Variants in PCDHA2 observed in about 807,000 individuals in gnomAD.
PCDHA2 encodes the protein protocadherin alpha 2.
In PCDHA2, 58 loss-of-function variants were observed where a neutral mutation model predicts 66.0. The ratio of observed to expected loss-of-function variants is 0.88; its 90% CI spans 0.71 to 1.09. PCDHA2 has a LOEUF of 1.09. Among genes scored for constraint, PCDHA2 ranks in the 50% least tolerant of loss-of-function variants. PCDHA2 has a pLI of 0.00. For synonymous variants in PCDHA2, 634 were observed against 554.0 expected (o/e 1.14, Z -2.03); for missense variants, 1,267 against 1,242.3 (o/e 1.02, Z -0.30).
chr5:140,975,016 G>T (rs782435284), intron 1 of PCDHA2, among the ~76,000 whole-genome samples: 6 of 152,128 alleles, frequency 3.9e-5, no homozygotes, highest in Non-Finnish European at 8.8e-5. Context: ...AACACAGCTG[G>T]GCTGTGTTGT....
At chr5:140,902,917 T>G (rs1235478755) in intron 1 of PCDHA2, among the ~76,000 whole-genome samples, 1 of 152,230 alleles carries the variant, frequency 6.6e-6, no homozygotes, top group Non-Finnish European at 1.5e-5. Context: ...CTGAGTAGTA[T>G]TGCATGGTGT....
At chr5:140,813,701 T>C (rs1357326463) in intron 1 of PCDHA2, 1 of 152,174 alleles carries the variant, frequency 6.6e-6, no homozygotes, top group Non-Finnish European at 1.5e-5. Flanking sequence ...TATCAAAAAA[T>C]TTTCTTTTTA....
intron 3 of PCDHA2, among the ~76,000 whole-genome samples, chr5:141,009,288 C>G (rs373954362): frequency 6.6e-6 from 1 of 152,068 alleles, no homozygotes; most frequent in African/African-American, 2.4e-5. Flanking sequence ...GATCCCATTT[C>G]TATAAAATTT....
chr5:140,807,052 C>G, intron 1 of PCDHA2: 1 of 1,051,964 alleles, frequency 9.5e-7, no homozygotes, highest in African/African-American at 1.6e-5. Context: ...TCCTTCTATT[C>G]TTACTGGAAG....
chr5:140,993,526 A>G (rs1554253825), intron 3 of PCDHA2, among the ~76,000 whole-genome samples: 1 of 147,824 alleles, frequency 6.8e-6, no homozygotes, highest in Admixed American at 6.7e-5. Flanking sequence ...AGAGAGACAG[A>G]GAGAGAGAGA....
chr5:140,830,281 C>T, intron 1 of PCDHA2: 2 of 1,613,822 alleles, frequency 1.2e-6, no homozygotes, highest in Non-Finnish European at 1.7e-6. Flanking sequence ...CCACCGAGGG[C>T]GCGTGCACGG....
chr5:140,965,299 C>A (rs1295211520), intron 1 of PCDHA2, among the ~76,000 whole-genome samples: 4 of 152,134 alleles, frequency 2.6e-5, no homozygotes, highest in African/African-American at 7.2e-5. Context: ...TTCCTCTGAT[C>A]CTTCTACCTT....
chr5:140,999,332 T>TTATAA (rs1554256746), intron 3 of PCDHA2, among the ~76,000 whole-genome samples: 1 of 152,222 alleles, frequency 6.6e-6, no homozygotes, highest in Non-Finnish European at 1.5e-5. Flanking sequence ...TCTGTGTGAT[T>TTATAA]TATAAGCCTT....
At chr5:140,905,787 G>C (rs1468265319) in intron 1 of PCDHA2, among the ~76,000 whole-genome samples, 1 of 152,012 alleles carries the variant, frequency 6.6e-6, no homozygotes, top group African/African-American at 2.4e-5. Flanking sequence ...TATTAGTCAG[G>C]GTTCTCTAGA....
At chr5:140,888,037 A>T (rs547880007) in intron 1 of PCDHA2, among the ~76,000 whole-genome samples, 8 of 152,186 alleles carry the variant, frequency 5.3e-5, no homozygotes, top group Non-Finnish European at 1.0e-4. Flanking sequence ...ATATTAGTAC[A>T]TGTATAATAG....
chr5:140,916,051 G>A (rs2153537424), intron 1 of PCDHA2, among the ~76,000 whole-genome samples: 1 of 152,240 alleles, frequency 6.6e-6, no homozygotes, highest in African/African-American at 2.4e-5. Context: ...ACAGGCAGAG[G>A]TGCCTCTCCC....
intron 1 of PCDHA2, among the ~76,000 whole-genome samples, chr5:140,963,667 T>A (rs1206076549): frequency 6.6e-6 from 1 of 152,238 alleles, no homozygotes; most frequent in Non-Finnish European, 1.5e-5. Flanking sequence ...CTATATGGCA[T>A]AGTTAAATGT....
intron 1 of PCDHA2, among the ~76,000 whole-genome samples, chr5:140,818,380 G>C (rs2150101126): frequency 6.6e-6 from 1 of 152,074 alleles, no homozygotes; most frequent in Non-Finnish European, 1.5e-5. Flanking sequence ...TTGAATCGTG[G>C]CATTTTTCCA....
intron 1 of PCDHA2, chr5:140,966,981 TG>T (rs2096079365): frequency 1.2e-6 from 2 of 1,603,254 alleles, no homozygotes; most frequent in African/African-American, 2.7e-5. Flanking sequence ...CTGCGGCGCT[TG>T]GGGCCGGGTT....
In PCDHA2 at chr5:140,862,417, T is replaced by G. The variant is rs77196804; in HGVS notation, c.2388+65065T>G. ...GCTGGTGTCTACCTTCAAAAGGCGCTGCCCAGAAACTATTCGTTGGTACTC... is the reference window on the plus strand; with the variant it reads ...GCTGGTGTCTACCTTCAAAAGGCGCGGCCCAGAAACTATTCGTTGGTACTC... On this transcript the variant is annotated intron_variant, in intron 1 of 3. Coordinates refer to ENST00000526136, the MANE Select transcript of PCDHA2 (RefSeq NM_018905.3). 1.4e-3 allele frequency: 485 copies of G among 351,378 alleles called. 3 individuals are homozygous for G. Among genetic ancestry groups the G allele is most frequent in the African/African-American group, 9.6e-3 (451 of 46,736 alleles). 21.8% of individuals were successfully genotyped at this position (351,378 alleles called of 1,614,324 possible).
In PCDHA2 at chr5:140,850,590, T is replaced by G. The variant is rs2150490414; in HGVS notation, c.2388+53238T>G. The G allele has an allele frequency of 2.7e-5, 43 of 1,598,318 alleles. 1 individual carries two copies. The highest frequency in any genetic ancestry group is 3.5e-5 in the Non-Finnish European group (41 of 1,167,854). ...GGTGACGCTGGTGGATGTCAACGTG[T>G]ACCTGATCATCGCCATCTGCGCGGT... On this transcript the variant is annotated intron_variant, in intron 1 of 3. Coordinates refer to ENST00000526136, the MANE Select transcript of PCDHA2 (RefSeq NM_018905.3).
In PCDHA2 at chr5:140,895,957, C is replaced by G. The variant is rs186458993; in HGVS notation, c.2389-82992C>G. Among the ~76,000 whole-genome samples, 2 of 152,196 alleles carry G rather than the reference C, an allele frequency of 1.3e-5. 1 individual carries two copies. Among genetic ancestry groups the G allele is most frequent in the Admixed American group, 1.3e-4 (2 of 15,284 alleles). On this transcript the variant is annotated intron_variant, in intron 1 of 3. Transcript: ENST00000526136. Reference sequence around the variant, plus strand: ...TCCCGAGTAGCTGGGATTACAGGTGCCTGTCACCAGGCCTAGCTAATTTTT... The same window carrying G: ...TCCCGAGTAGCTGGGATTACAGGTGGCTGTCACCAGGCCTAGCTAATTTTT...
At chr5:140,876,394 C>T in intron 1 of PCDHA2, 1 of 1,613,826 alleles carries the variant, frequency 6.2e-7, no homozygotes, top group Non-Finnish European at 8.5e-7. Flanking sequence ...TTATGGTGAA[C>T]TGGATTTTGA....
chr5:140,823,670 C>A, intron 1 of PCDHA2: 1 of 1,614,038 alleles, frequency 6.2e-7, no homozygotes, highest in South Asian at 1.1e-5. Flanking sequence ...GAGATCAGCA[C>A]AACACGCTCT....
Sources: allele counts gnomAD v4.1 joint callset (sites outside exome capture counted in the v4.1 genomes callset), GRCh38; gene constraint gnomAD v4.1.1; transcripts MANE v1.5; gene names NCBI Gene and HGNC (gene_info 2026-07-23, HGNC 2026-07-21).